TLL1: variants seen among roughly 807,000 people sequenced by gnomAD.
TLL1 encodes the protein tolloid-like protein 1.
TLL1 carries 49 observed loss-of-function variants against 128.2 expected under a neutral mutation model. The ratio of observed to expected loss-of-function variants is 0.38; its 90% CI spans 0.30 to 0.48. The LOEUF (loss-of-function observed/expected upper bound fraction) is 0.48. TLL1 is among the 20% of genes least tolerant of loss of function. TLL1 has a pLI of 0.96. For missense variants in TLL1, 1,123 were observed against 1,242.0 expected (o/e 0.90, Z 1.44); for synonymous variants, 454 against 418.8 (o/e 1.08, Z -1.03).
chr4:165,953,741 A>C (rs1734652650), intron 1 of TLL1, among the ~76,000 whole-genome samples: 3 of 151,864 alleles, frequency 2.0e-5, no homozygotes, highest in African/African-American at 7.2e-5. Context: ...ACTGGAGTGT[A>C]CTTTTCTTTA....
intron 1 of TLL1, among the ~76,000 whole-genome samples, chr4:165,879,235 C>T (rs1162075385): frequency 3.9e-5 from 6 of 152,052 alleles, no homozygotes; most frequent in East Asian, 1.9e-4. Context: ...CGTGAGCACC[C>T]GGCTGACAGT....
At chr4:165,917,445 T>C (rs1732834865) in intron 1 of TLL1, among the ~76,000 whole-genome samples, 1 of 152,190 alleles carries the variant, frequency 6.6e-6, no homozygotes, top group African/African-American at 2.4e-5. Flanking sequence ...AAAATGGGAA[T>C]AATACTAGTA....
intron 4 of TLL1, among the ~76,000 whole-genome samples, 161 bp downstream of exon 4, chr4:165,994,694 ATTG>A (rs1736787850): frequency 6.6e-6 from 1 of 152,230 alleles, no homozygotes; most frequent in Admixed American, 6.5e-5. Flanking sequence ...TGTCTTTGAA[ATTG>A]AAAGCATATC....
At chr4:165,973,907 C>T (rs992269592) in intron 1 of TLL1, among the ~76,000 whole-genome samples, 42 of 152,092 alleles carry the variant, frequency 2.8e-4, no homozygotes, top group Non-Finnish European at 7.4e-5. Flanking sequence ...CTCAGGTGAT[C>T]CACCTGCCTC....
At chr4:165,909,667 G>A (rs1200706911) in intron 1 of TLL1, among the ~76,000 whole-genome samples, 2 of 152,196 alleles carry the variant, frequency 1.3e-5, no homozygotes, top group East Asian at 1.9e-4. Flanking sequence ...AGTGAGTTTT[G>A]TCTGTAGACC....
At chr4:166,052,965 G>GTGTGTGTGTGTGTATATATATA in intron 12 of TLL1, among the ~76,000 whole-genome samples, 8 of 99,696 alleles carry the variant, frequency 8.0e-5, no homozygotes, top group African/African-American at 3.0e-4. Flanking sequence ...GAGGTTATGT[G>GTGTGTGTGTGTGTATATATATA]TATATATATA....
chr4:165,978,930 T>C (rs943699682), intron 1 of TLL1, among the ~76,000 whole-genome samples: 3 of 152,204 alleles, frequency 2.0e-5, no homozygotes, highest in African/African-American at 7.2e-5. Context: ...AGAAGAGTTG[T>C]AAAATAGTTT....
At chr4:165,903,923 A>G (rs1732130551) in intron 1 of TLL1, among the ~76,000 whole-genome samples, 1 of 151,980 alleles carries the variant, frequency 6.6e-6, no homozygotes, top group Non-Finnish European at 1.5e-5. Context: ...TTTTTTTGGT[A>G]TAAAAGTAAA....
chr4:165,926,223 A>C (rs1733261965), intron 1 of TLL1, among the ~76,000 whole-genome samples: 1 of 152,186 alleles, frequency 6.6e-6, no homozygotes, highest in South Asian at 2.1e-4. Context: ...ATTGAAATAG[A>C]AGTACTATAC....
intron 1 of TLL1, among the ~76,000 whole-genome samples, chr4:165,889,315 G>T (rs1461178554): frequency 6.6e-6 from 1 of 152,138 alleles, no homozygotes; most frequent in Non-Finnish European, 1.5e-5. Flanking sequence ...TGCTTAACAT[G>T]GGGATTTTAT....
chr4:166,015,642 T>C (rs1001956612), intron 8 of TLL1, among the ~76,000 whole-genome samples: 1 of 151,978 alleles, frequency 6.6e-6, no homozygotes, highest in African/African-American at 2.4e-5. Context: ...AACCCTTCTG[T>C]TGGACAGATA....
At chr4:165,921,532 T>G (rs914781783) in intron 1 of TLL1, among the ~76,000 whole-genome samples, 2 of 152,220 alleles carry the variant, frequency 1.3e-5, no homozygotes, top group African/African-American at 4.8e-5. Flanking sequence ...ACGTCTTTTC[T>G]GTTTATCTCC....
In TLL1 at chr4:165,994,314, T is replaced by C; in HGVS notation, c.362-67T>C. The C allele has an allele frequency of 2.5e-6, 4 of 1,595,316 alleles. No homozygotes were observed. In the South Asian group the frequency reaches 3.3e-5, roughly 13 times the overall value. On this transcript the variant is annotated intron_variant, in intron 3 of 20. Transcript: ENST00000061240. ...AAATAAGACATTTTAACTTTTGTCC[T>C]TTAAGAGGTAAATGATTCCCTGACC... is the stretch of plus-strand genomic sequence containing the variant.
intron 1 of TLL1, among the ~76,000 whole-genome samples, chr4:165,915,211 T>C (rs950115939): frequency 6.6e-6 from 1 of 152,348 alleles, no homozygotes; most frequent in Admixed American, 6.5e-5. Context: ...ATTGACCTTT[T>C]TGAAGTTCTA....
At chr4:165,972,340 G>T (rs1325649932) in intron 1 of TLL1, among the ~76,000 whole-genome samples, 19 of 152,158 alleles carry the variant, frequency 1.2e-4, no homozygotes, top group Admixed American at 1.2e-3. Context: ...AGATATGACT[G>T]TTGGCACCTT....
intron 1 of TLL1, among the ~76,000 whole-genome samples, chr4:165,945,571 A>C (rs115375014): frequency 0.013 from 1,970 of 152,294 alleles, 48 homozygotes; most frequent in African/African-American, 0.045. Flanking sequence ...TGATAAAGTT[A>C]TTCTAAATAG....
chr4:165,938,838 T>A (rs72970194), intron 1 of TLL1, among the ~76,000 whole-genome samples: 5,405 of 151,932 alleles, frequency 0.036, 291 homozygotes, highest in African/African-American at 0.12. Flanking sequence ...ATAATATTTT[T>A]AAACTACCCT....
chr4:165,948,506 C>T (rs961701761), intron 1 of TLL1, among the ~76,000 whole-genome samples: 1 of 152,052 alleles, frequency 6.6e-6, no homozygotes, highest in African/African-American at 2.4e-5. Context: ...TTGTTTCTTA[C>T]AGTTATGGAG....
chr4:166,073,578 AC>A (rs1277181400), intron 16 of TLL1, among the ~76,000 whole-genome samples: 1 of 152,166 alleles, frequency 6.6e-6, no homozygotes, highest in Non-Finnish European at 1.5e-5. Flanking sequence ...CACATAAATC[AC>A]AAATACACTA....
Sources: allele counts gnomAD v4.1 joint callset (sites outside exome capture counted in the v4.1 genomes callset), GRCh38; gene constraint gnomAD v4.1.1; transcripts MANE v1.5; gene names NCBI Gene and HGNC (gene_info 2026-07-23, HGNC 2026-07-21).